CAST: variants seen among roughly 807,000 people sequenced by gnomAD.
CAST encodes the protein calpastatin.
A neutral mutation model predicts 119.6 loss-of-function variants in CAST; 76 were observed. That is an observed-to-expected ratio of 0.64 (90% CI 0.53 to 0.77). The LOEUF (loss-of-function observed/expected upper bound fraction) is 0.77. CAST is among the 30% of genes least tolerant of loss of function. CAST has a pLI of 0.00. For synonymous variants in CAST, 319 were observed against 331.6 expected (o/e 0.96, Z 0.41); for missense variants, 953 against 946.5 (o/e 1.01, Z -0.09).
the CAST span, among the ~76,000 whole-genome samples, chr5:96,349,137 C>CTTTTT: frequency 3.2e-5 from 1 of 31,332 alleles, no homozygotes; most frequent in Non-Finnish European, 5.9e-5. Context: ...AACAAGGACA[C>CTTTTT]TATTTTTTTT....
chr5:96,634,585 A>T (rs1747862575), intron 1 of CAST, among the ~76,000 whole-genome samples: 1 of 152,190 alleles, frequency 6.6e-6, no homozygotes, highest in African/African-American at 2.4e-5. Flanking sequence ...TCTTTCCTGG[A>T]TGCCTACATG....
chr5:96,277,859 C>A, the CAST span, among the ~76,000 whole-genome samples: 1 of 151,514 alleles, frequency 6.6e-6, no homozygotes, highest in East Asian at 1.9e-4. Flanking sequence ...ATGTTCATTT[C>A]AATTGATACA....
the CAST span, among the ~76,000 whole-genome samples, chr5:96,113,057 A>G: frequency 2.0e-5 from 3 of 152,218 alleles, no homozygotes; most frequent in Admixed American, 1.3e-4. Flanking sequence ...GATCCCATCT[A>G]GAAGGGCTTA....
At chr5:95,972,317 C>T in the CAST span, among the ~76,000 whole-genome samples, 1 of 151,880 alleles carries the variant, frequency 6.6e-6, no homozygotes, top group Non-Finnish European at 1.5e-5. Flanking sequence ...AATAAGCTGC[C>T]CAACTATTGC....
chr5:96,597,922 GA>G (rs1234716538), intron 1 of CAST, among the ~76,000 whole-genome samples: 1 of 145,116 alleles, frequency 6.9e-6, no homozygotes, highest in East Asian at 2.2e-4. Flanking sequence ...AAGGGGGAGA[GA>G]AAAATGGAAA....
At chr5:96,689,576 A>C (rs887378732) in intron 2 of CAST, among the ~76,000 whole-genome samples, 1 of 152,244 alleles carries the variant, frequency 6.6e-6, no homozygotes, top group African/African-American at 2.4e-5. Context: ...ATGCAAATAC[A>C]TGTGTGCACA....
At chr5:96,046,690 T>C in the CAST span, among the ~76,000 whole-genome samples, 1 of 152,118 alleles carries the variant, frequency 6.6e-6, no homozygotes, top group South Asian at 2.1e-4. Flanking sequence ...TAAGACATGG[T>C]GTATTAGTTC....
the CAST span, among the ~76,000 whole-genome samples, chr5:96,304,589 C>T: frequency 1.3e-5 from 2 of 152,174 alleles, no homozygotes; most frequent in Non-Finnish European, 2.9e-5. Context: ...TTAGGTCTTA[C>T]ATTTAAGTCT....
the CAST span, among the ~76,000 whole-genome samples, chr5:96,372,155 G>T: frequency 6.6e-6 from 1 of 152,220 alleles, no homozygotes; most frequent in African/African-American, 2.4e-5. Context: ...GTAGTAAATA[G>T]AATGGCTAGG....
intron 1 of CAST, among the ~76,000 whole-genome samples, chr5:96,605,613 G>C (rs1004637807): frequency 2.0e-5 from 3 of 152,186 alleles, no homozygotes; most frequent in African/African-American, 7.2e-5. Flanking sequence ...AGCCAGGGTA[G>C]AAGAAGAAAT....
At chr5:96,531,334 AG>A (rs1296016754) in intron 1 of CAST, among the ~76,000 whole-genome samples, 1 of 152,202 alleles carries the variant, frequency 6.6e-6, no homozygotes, top group Non-Finnish European at 1.5e-5. Flanking sequence ...AATAGAAGCA[AG>A]ACTTGGGCTG....
At chr5:96,471,554 C>T in the CAST span, among the ~76,000 whole-genome samples, 121 of 152,116 alleles carry the variant, frequency 8.0e-4, 1 homozygote, top group South Asian at 0.012. Context: ...TCTGGAAAGC[C>T]GGTTTGCTGC....
At chr5:96,246,230 T>C in the CAST span, among the ~76,000 whole-genome samples, 1 of 131,790 alleles carries the variant, frequency 7.6e-6, no homozygotes, top group African/African-American at 2.8e-5. Flanking sequence ...TCGCCCAGGC[T>C]GGAGTGCAGT....
At chr5:96,666,534 A>G (rs1356118634) in intron 1 of CAST, among the ~76,000 whole-genome samples, 1 of 152,258 alleles carries the variant, frequency 6.6e-6, no homozygotes, top group Admixed American at 6.5e-5. Flanking sequence ...CAAGCCTTCC[A>G]TGGCAGGACA....
At chr5:96,245,449 T>C in the CAST span, among the ~76,000 whole-genome samples, 1 of 152,346 alleles carries the variant, frequency 6.6e-6, no homozygotes, top group East Asian at 1.9e-4. Context: ...TACAGAAAAC[T>C]GTAAATTTTT....
chr5:96,370,784 C>A, the CAST span, among the ~76,000 whole-genome samples: 2 of 152,166 alleles, frequency 1.3e-5, no homozygotes, highest in African/African-American at 4.8e-5. Flanking sequence ...TAAAGCAAAT[C>A]CACAAGCAAA....
intron 1 of CAST, among the ~76,000 whole-genome samples, chr5:96,561,222 C>T (rs1273444070): frequency 2.8e-5 from 4 of 142,712 alleles, no homozygotes; most frequent in South Asian, 2.3e-4. Context: ...GGAGGGGAGA[C>T]GGATAGCATT....
intron 1 of CAST, among the ~76,000 whole-genome samples, chr5:96,565,571 T>C (rs1304422036): frequency 6.6e-6 from 1 of 152,206 alleles, no homozygotes; most frequent in African/African-American, 2.4e-5. Context: ...CCACTATAAT[T>C]ATTCTGCAAT....
At chr5:96,227,047 A>C in the CAST span, among the ~76,000 whole-genome samples, 1 of 152,136 alleles carries the variant, frequency 6.6e-6, no homozygotes, top group Non-Finnish European at 1.5e-5. Flanking sequence ...CTGGCATACA[A>C]AGCTGGCGGC....
Sources: allele counts gnomAD v4.1 joint callset (sites outside exome capture counted in the v4.1 genomes callset), GRCh38; gene constraint gnomAD v4.1.1; transcripts MANE v1.5; gene names NCBI Gene and HGNC (gene_info 2026-07-23, HGNC 2026-07-21).